RBFOX1: variants seen among roughly 807,000 people sequenced by gnomAD.
RBFOX1 encodes the protein RNA binding protein fox-1 homolog 1.
RBFOX1 carries 8 observed loss-of-function variants against 57.7 expected under a neutral mutation model. The observed-to-expected ratio is 0.14, with a 90% CI of 0.08 to 0.25. The LOEUF (loss-of-function observed/expected upper bound fraction) is 0.25. Among genes scored for constraint, RBFOX1 ranks in the 10% least tolerant of loss-of-function variants. The pLI, the probability that RBFOX1 is intolerant of heterozygous loss-of-function variation, is 1.00. For synonymous variants in RBFOX1, 326 were observed against 222.4 expected (o/e 1.47, Z -4.15); for missense variants, 611 against 548.5 (o/e 1.11, Z -1.14).
intron 1 of RBFOX1, among the ~76,000 whole-genome samples, chr16:6,311,924 G>A (rs766512461): frequency 6.6e-6 from 1 of 152,164 alleles, no homozygotes; most frequent in African/African-American, 2.4e-5. Flanking sequence ...ACCCTGGGCA[G>A]CTTGCTGATT....
chr16:6,546,699 A>T (rs545309886), intron 2 of RBFOX1, among the ~76,000 whole-genome samples: 1 of 152,092 alleles, frequency 6.6e-6, no homozygotes, highest in South Asian at 2.1e-4. Context: ...TTTGCAAACA[A>T]GGTCACATTA....
intron 1 of RBFOX1, among the ~76,000 whole-genome samples, chr16:6,227,842 CT>C (rs1177006047): frequency 5.3e-5 from 8 of 152,172 alleles, no homozygotes; most frequent in Non-Finnish European, 8.8e-5. Context: ...ATCTTTTGGA[CT>C]TCTTATTTTA....
At chr16:6,816,700 A>G (rs2090146026) in intron 3 of RBFOX1, among the ~76,000 whole-genome samples, 1 of 147,542 alleles carries the variant, frequency 6.8e-6, no homozygotes, top group Non-Finnish European at 1.5e-5. Flanking sequence ...AGACTGCACC[A>G]CTGCACTCCA....
At chr16:6,855,845 C>T (rs67443972) in intron 3 of RBFOX1, among the ~76,000 whole-genome samples, 25 of 114,760 alleles carry the variant, frequency 2.2e-4, no homozygotes, top group Middle Eastern at 4.3e-3. Flanking sequence ...TTCCCTCCCT[C>T]TTTCCCTCCC....
At chr16:6,475,531 A>G (rs182611430) in intron 2 of RBFOX1, among the ~76,000 whole-genome samples, 1 of 152,348 alleles carries the variant, frequency 6.6e-6, no homozygotes, top group African/African-American at 2.4e-5. Flanking sequence ...GTGGTCACTT[A>G]CCAGCAACCA....
At chr16:6,698,659 T>C (rs2061400869) in intron 3 of RBFOX1, among the ~76,000 whole-genome samples, 1 of 152,148 alleles carries the variant, frequency 6.6e-6, no homozygotes, top group South Asian at 2.1e-4. Context: ...GACCACCCCT[T>C]TTAGGTTAGA....
chr16:7,084,473 C>T (rs988852277), intron 4 of RBFOX1, among the ~76,000 whole-genome samples: 3 of 152,108 alleles, frequency 2.0e-5, no homozygotes, highest in Admixed American at 6.5e-5. Context: ...TAGAGAGATC[C>T]ATTCTTTCCT....
chr16:7,213,802 C>A (rs949321499), intron 4 of RBFOX1, among the ~76,000 whole-genome samples: 18 of 152,124 alleles, frequency 1.2e-4, no homozygotes, highest in African/African-American at 4.3e-4. Flanking sequence ...AATGTCAAAG[C>A]CAGTTATTCT....
At chr16:6,948,643 A>C (rs145726149) in intron 3 of RBFOX1, among the ~76,000 whole-genome samples, 1,622 of 151,868 alleles carry the variant, frequency 0.011, 30 homozygotes, top group African/African-American at 0.036. Context: ...TGGCCTCCCA[A>C]AGTGCTGGGA....
chr16:5,611,705 C>CCCATCCGTCCATCCATCCATCCAT (rs772335203), intron 3 of RBFOX1, among the ~76,000 whole-genome samples: 3 of 100,128 alleles, frequency 3.0e-5, no homozygotes, highest in Non-Finnish European at 5.7e-5. Context: ...CACCCACTCT[C>CCCATCCGTCCATCCATCCATCCAT]CCATCCATCC....
chr16:7,214,827 A>C (rs963308228), intron 4 of RBFOX1, among the ~76,000 whole-genome samples: 1 of 152,186 alleles, frequency 6.6e-6, no homozygotes, highest in Non-Finnish European at 1.5e-5. Context: ...TAATGTCTGC[A>C]TATATGAGAT....
intron 3 of RBFOX1, among the ~76,000 whole-genome samples, chr16:6,839,697 G>A (rs1198959521): frequency 6.6e-6 from 1 of 152,174 alleles, no homozygotes; most frequent in Non-Finnish European, 1.5e-5. Flanking sequence ...TGTTCACTGG[G>A]ATATTAGAAG....
intron 3 of RBFOX1, among the ~76,000 whole-genome samples, chr16:6,780,818 G>C (rs1281025013): frequency 1.3e-5 from 2 of 151,644 alleles, no homozygotes; most frequent in Admixed American, 6.6e-5. Flanking sequence ...TCAGATGTTT[G>C]CTCATTTTTA....
At chr16:7,365,011 T>C (rs542058415) in intron 4 of RBFOX1, among the ~76,000 whole-genome samples, 1 of 152,222 alleles carries the variant, frequency 6.6e-6, no homozygotes, top group Non-Finnish European at 1.5e-5. Flanking sequence ...TATCTGTCTG[T>C]CTGTCTATCC....
At chr16:5,681,844 G>A (rs891306585) in intron 3 of RBFOX1, among the ~76,000 whole-genome samples, 7 of 152,148 alleles carry the variant, frequency 4.6e-5, no homozygotes, top group African/African-American at 1.7e-4. Context: ...AGTGGGGGAG[G>A]GAGAGAGAGG....
chr16:7,324,432 G>A (rs758544823), intron 4 of RBFOX1, among the ~76,000 whole-genome samples: 3 of 152,138 alleles, frequency 2.0e-5, no homozygotes, highest in Non-Finnish European at 4.4e-5. Context: ...CAGCGGAGTA[G>A]CTGCATCCTC....
intron 3 of RBFOX1, among the ~76,000 whole-genome samples, chr16:7,024,003 A>C (rs13337583): frequency 6.6e-6 from 1 of 152,132 alleles, no homozygotes; most frequent in African/African-American, 2.4e-5. Flanking sequence ...TTAGGTTTCT[A>C]TATCCTCCTG....
At chr16:7,523,633 G>T (rs2078007145) in intron 5 of RBFOX1, among the ~76,000 whole-genome samples, 1 of 152,186 alleles carries the variant, frequency 6.6e-6, no homozygotes, top group Admixed American at 6.5e-5. Flanking sequence ...AGGAAAGACA[G>T]CCATTAGGGG....
chr16:6,483,272 A>G, intron 2 of RBFOX1: 1 of 1,328,950 alleles, frequency 7.5e-7, no homozygotes, highest in Non-Finnish European at 9.6e-7. Flanking sequence ...CCGGGTGTTG[A>G]TTGCCTCCTT....
Sources: gnomAD v4.1 joint callset for allele counts (sites outside exome capture counted in the v4.1 genomes callset) on GRCh38, gnomAD v4.1.1 for gene constraint, MANE v1.5 for transcripts, NCBI Gene and HGNC (gene_info 2026-07-23, HGNC 2026-07-21) for gene names.